The following CTNNA2 variants were observed in gnomAD, a reference collection of about 807,000 sequenced individuals.
CTNNA2 encodes catenin alpha 2.
CTNNA2 carries 42 observed loss-of-function variants against 101.0 expected under a neutral mutation model. The observed-to-expected ratio is 0.42, with a 90% confidence interval of 0.32 to 0.54. The LOEUF (loss-of-function observed/expected upper bound fraction) is 0.54, where lower values mean the gene tolerates loss of function less well. Ranked by LOEUF, CTNNA2 falls within the 20% of genes least tolerant of loss-of-function variation. The probability of loss-of-function intolerance (pLI) is 0.14; values close to 1 mark genes in which losing one functional copy is unlikely to be tolerated. For synonymous variants in CTNNA2, 450 were observed against 456.4 expected (o/e 0.99, Z 0.18); for missense variants, 871 against 1,223.1 (o/e 0.71, Z 4.29).
intron 7 of CTNNA2, among the ~76,000 whole-genome samples, chr2:80,023,137 T>A (rs1040108297): frequency 2.0e-5 from 3 of 152,240 alleles, no homozygotes; most frequent in African/African-American, 7.2e-5. Flanking sequence ...GGTCCATGAC[T>A]CAGAAAAAAT....
At chr2:80,537,087 C>G (rs759772943) in intron 9 of CTNNA2, among the ~76,000 whole-genome samples, 26 of 152,058 alleles carry the variant, frequency 1.7e-4, no homozygotes, top group Admixed American at 2.6e-4. Flanking sequence ...ATCCCACCCC[C>G]TGACAGGCCC....
intron 9 of CTNNA2, among the ~76,000 whole-genome samples, chr2:80,426,475 A>T (rs938348770): frequency 6.6e-6 from 1 of 152,144 alleles, no homozygotes; most frequent in Non-Finnish European, 1.5e-5. Context: ...CCTGAGTGCA[A>T]GCCACACATT....
intron 3 of CTNNA2, among the ~76,000 whole-genome samples, chr2:79,806,227 TA>T (rs11394648): frequency 6.7e-5 from 10 of 149,576 alleles, no homozygotes; most frequent in African/African-American, 2.0e-4. Context: ...GAGTTTTATT[TA>T]AAAAAAAAAT....
chr2:80,047,982 T>C (rs1187795661), intron 7 of CTNNA2, among the ~76,000 whole-genome samples: 2 of 152,192 alleles, frequency 1.3e-5, no homozygotes, highest in African/African-American at 4.8e-5. Flanking sequence ...TTGTGTGTTT[T>C]ATTGCCCCTA....
At chr2:80,632,781 G>A (rs1344064973) in intron 18 of CTNNA2, among the ~76,000 whole-genome samples, 4 of 152,018 alleles carry the variant, frequency 2.6e-5, no homozygotes, top group African/African-American at 9.7e-5. Context: ...CTTCCCAAAG[G>A]TACCCAGAGG....
At chr2:80,191,261 C>A (rs1257631279) in intron 7 of CTNNA2, among the ~76,000 whole-genome samples, 9 of 152,174 alleles carry the variant, frequency 5.9e-5, no homozygotes, top group African/African-American at 2.2e-4. Flanking sequence ...GGGAAAAAAA[C>A]AAACTTTGGT....
chr2:79,905,216 A>G (rs115734870), intron 6 of CTNNA2, among the ~76,000 whole-genome samples: 6 of 152,208 alleles, frequency 3.9e-5, no homozygotes, highest in East Asian at 1.9e-4. Flanking sequence ...ACAAAATAGT[A>G]TGCAAAGCAA....
intron 8 of CTNNA2, among the ~76,000 whole-genome samples, chr2:80,399,222 A>G (rs754460098): frequency 3.9e-5 from 6 of 152,010 alleles, no homozygotes; most frequent in Non-Finnish European, 8.8e-5. Context: ...ACCTTAGGAA[A>G]ATCCTGATAA....
At chr2:79,615,486 A>C (rs952759688) in intron 1 of CTNNA2, among the ~76,000 whole-genome samples, 2 of 152,186 alleles carry the variant, frequency 1.3e-5, no homozygotes, top group African/African-American at 4.8e-5. Context: ...GAGCTTTATT[A>C]TTTCATTTCT....
In CTNNA2 at chr2:79,857,995, TC is replaced by T; in HGVS notation, c.299-16del. ...AGCCTCTTGTCTACCCACCTGCCTC[TC>T]CGTGTCTGTCTTCCAGGTGAGACGA... On this transcript the variant is annotated splice_polypyrimidine_tract_variant and intron_variant, in intron 3 of 18. Coordinates refer to ENST00000402739, the MANE Select transcript of CTNNA2 (RefSeq NM_001282597.3). 1.2e-6 allele frequency: 2 copies of T among 1,604,190 alleles called. No homozygotes were observed. Among genetic ancestry groups the T allele is most frequent in the Non-Finnish European group, 1.7e-6 (2 of 1,171,860 alleles).
chr2:80,380,381 G>A (rs2149347872), intron 7 of CTNNA2, among the ~76,000 whole-genome samples: 1 of 152,206 alleles, frequency 6.6e-6, no homozygotes, highest in East Asian at 1.9e-4. Context: ...GAATTTCTAA[G>A]CAGACAGGGA....
At chr2:79,851,147 A>T (rs1680668557) in intron 3 of CTNNA2, among the ~76,000 whole-genome samples, 1 of 152,224 alleles carries the variant, frequency 6.6e-6, no homozygotes, top group African/African-American at 2.4e-5. Flanking sequence ...AAGAGGCATG[A>T]TGTAATGCAT....
chr2:79,793,760 A>G (rs11890375), intron 3 of CTNNA2, among the ~76,000 whole-genome samples: 2 of 152,168 alleles, frequency 1.3e-5, no homozygotes, highest in Non-Finnish European at 2.9e-5. Context: ...TCTTGGGCCA[A>G]CCCAAATTAT....
intron 3 of CTNNA2, among the ~76,000 whole-genome samples, chr2:79,323,400 G>A (rs144501613): frequency 0.02 from 2,975 of 152,202 alleles, 41 homozygotes; most frequent in Middle Eastern, 0.034. Flanking sequence ...TACGTAACTT[G>A]CACAAGGTTA....
intron 1 of CTNNA2, among the ~76,000 whole-genome samples, chr2:79,191,951 C>A (rs556831962): frequency 6.6e-6 from 1 of 152,210 alleles, no homozygotes; most frequent in East Asian, 1.9e-4. Context: ...CAGAACCATT[C>A]CATGGTTGCT....
chr2:79,839,967 A>G (rs1055359576), intron 3 of CTNNA2, among the ~76,000 whole-genome samples: 2 of 152,170 alleles, frequency 1.3e-5, no homozygotes, highest in African/African-American at 4.8e-5. Context: ...TCCTTTGGAA[A>G]AGGGTTCGTT....
intron 1 of CTNNA2, among the ~76,000 whole-genome samples, chr2:79,644,265 C>A (rs1680652587): frequency 1.3e-5 from 2 of 152,100 alleles, no homozygotes; most frequent in Non-Finnish European, 1.5e-5. Context: ...GTCTCGAACT[C>A]CTGACCTTGT....
intron 4 of CTNNA2, among the ~76,000 whole-genome samples, chr2:79,413,114 A>T (rs12992126): frequency 0.29 from 44,179 of 151,684 alleles, 6,588 homozygotes; most frequent in South Asian, 0.45. Context: ...GTAACCACAG[A>T]TTTACTCTCT....
At chr2:80,623,724 G>A (rs1440700181) in intron 18 of CTNNA2, among the ~76,000 whole-genome samples, 1 of 151,778 alleles carries the variant, frequency 6.6e-6, no homozygotes, top group Admixed American at 6.6e-5. Flanking sequence ...TAGGTTCTTG[G>A]AGTCTGTAAT....
Sources: allele counts gnomAD v4.1 joint callset (sites outside exome capture counted in the v4.1 genomes callset), GRCh38; gene constraint gnomAD v4.1.1; transcripts MANE v1.5; gene names NCBI Gene and HGNC (gene_info 2026-07-23, HGNC 2026-07-21).